Variants in ALDH1A2 observed in about 807,000 individuals in gnomAD.
ALDH1A2 encodes the protein aldehyde dehydrogenase 1 family member A2, also known as retinal dehydrogenase 2.
In ALDH1A2, 27 loss-of-function variants were observed where a neutral mutation model predicts 60.3. The ratio of observed to expected loss-of-function variants is 0.45; its 90% confidence interval spans 0.33 to 0.62. ALDH1A2 has a LOEUF of 0.62. Among genes scored for constraint, ALDH1A2 ranks in the 20% least tolerant of loss-of-function variants. The pLI is 0.02. For missense variants in ALDH1A2, 581 were observed against 643.8 expected, an observed-to-expected ratio of 0.90 and a Z score of 1.06; for synonymous variants, 289 against 232.4, an observed-to-expected ratio of 1.24 and a Z score of -2.21.
chr15:57,953,624 T>G lies in ALDH1A2; in HGVS notation c.*1573A>C, dbSNP rs1241431082. ...TCAGAAATACGGCATCTGTCAGGGC[T>G]CACGGCACTGGGCTGCTGAATGCAC... is the stretch of plus-strand genomic sequence containing the variant. On this transcript the variant is annotated 3_prime_UTR_variant, in exon 13 of 13. Transcript: ENST00000249750. The G allele has an allele frequency of 1.3e-5, 2 of 152,690 alleles. No individual in the cohort carries two copies. Among genetic ancestry groups the G allele is most frequent in the African/African-American group, 4.8e-5 (2 of 41,452 alleles). 9.5% of individuals were successfully genotyped at this position (152,690 alleles called of 1,614,324 possible). A position where few individuals can be genotyped will look rare whatever the true frequency, so the allele number is the denominator to read the frequency against.
intron 4 of ALDH1A2, 99 bp from the exon 5 acceptor site, chr15:57,995,238 AAACAG>A: frequency 1.2e-6 from 1 of 826,714 alleles, no homozygotes; most frequent in Non-Finnish European, 2.0e-6. Flanking sequence ...AAAAAAAAAC[AAACAG>A]AAATAAACTT....
intron 7 of ALDH1A2, among the ~76,000 whole-genome samples, chr15:57,985,820 T>C (rs560421969): frequency 6.6e-6 from 1 of 152,268 alleles, no homozygotes; most frequent in Non-Finnish European, 1.5e-5. Context: ...AAGTAAAACT[T>C]ATAAAAATCA....
At chr15:57,983,094 C>T (rs1363438280) in intron 7 of ALDH1A2, among the ~76,000 whole-genome samples, 1 of 152,166 alleles carries the variant, frequency 6.6e-6, no homozygotes, top group Non-Finnish European at 1.5e-5. Flanking sequence ...AAAAAATCTG[C>T]AGCTCTGGTG....
intron 12 of ALDH1A2, among the ~76,000 whole-genome samples, chr15:57,956,492 C>G (rs1260021506): frequency 1.3e-5 from 2 of 152,176 alleles, no homozygotes; most frequent in Non-Finnish European, 2.9e-5. Flanking sequence ...TTGCCAGCAC[C>G]TCCTCTGAGC....
chr15:57,964,122 C>T lies in ALDH1A2; in HGVS notation c.902-53G>A. 1.9e-6 allele frequency: 3 copies of T among 1,602,628 alleles called. No individual in the cohort carries two copies. In the South Asian group the frequency reaches 3.3e-5, roughly 18 times the overall value. On this transcript the variant is annotated intron_variant, in intron 8 of 12. Coordinates refer to ENST00000249750, the MANE Select transcript of ALDH1A2 (RefSeq NM_003888.4). ...CCGCTTTGCCTGGGGAGGGGCCTGT[C>T]TATGAAGCCGCCTCCCTCCCCTCTC...
intron 9 of ALDH1A2, among the ~76,000 whole-genome samples, chr15:57,962,757 C>T (rs1194157130): frequency 2.0e-5 from 3 of 152,086 alleles, no homozygotes; most frequent in African/African-American, 7.2e-5. Context: ...TTATCATTTG[C>T]TTATTATGGT....
chr15:58,008,027 T>C (rs1352333208), intron 4 of ALDH1A2, among the ~76,000 whole-genome samples: 2 of 152,040 alleles, frequency 1.3e-5, no homozygotes, highest in South Asian at 2.1e-4. Flanking sequence ...GAATTCTAAG[T>C]GGCCTCTAGG....
chr15:57,989,076 G>T (rs2140486298), intron 7 of ALDH1A2, among the ~76,000 whole-genome samples: 1 of 152,184 alleles, frequency 6.6e-6, no homozygotes, highest in East Asian at 1.9e-4. Flanking sequence ...TTGAACCCGG[G>T]AGGCAGCGGT....
chr15:57,962,764 T>TG (rs1893769395), intron 9 of ALDH1A2, among the ~76,000 whole-genome samples: 1 of 152,174 alleles, frequency 6.6e-6, no homozygotes. Context: ...TTGCTTATTA[T>TG]GGTAAATAAC....
At chr15:58,058,126 T>A (rs1160438558) in intron 1 of ALDH1A2, 2 of 1,459,072 alleles carry the variant, frequency 1.4e-6, no homozygotes, top group East Asian at 2.5e-5. Context: ...AATAAGACTT[T>A]CAGTTGTTCT....
At chr15:57,960,610 A>G (rs979405579) in intron 12 of ALDH1A2, among the ~76,000 whole-genome samples, 160 bp downstream of exon 12, 1 of 152,204 alleles carries the variant, frequency 6.6e-6, no homozygotes, top group East Asian at 1.9e-4. Context: ...ATTCATCTCT[A>G]TAACATGTAA....
At chr15:58,065,434 CCGGCCCCGTCCCGCAGCCCTCACCCG>C in intron 1 of ALDH1A2, 74 bp downstream of exon 1, 1 of 1,072,714 alleles carries the variant, frequency 9.3e-7, no homozygotes, top group East Asian at 2.4e-5. Context: ...CCCGACGACC[CCGGCCCCGTCCCGCAGCCCTCACCCG>C]CTGAAGAGAT....
chr15:57,995,016 T>A, intron 5 of ALDH1A2, 62 bp downstream of exon 5: 2 of 1,457,200 alleles, frequency 1.4e-6, no homozygotes, highest in Non-Finnish European at 9.6e-7. Context: ...CCATGTTTTA[T>A]GTGTCTTTAA....
chr15:58,060,899 A>G (rs1897017691), intron 1 of ALDH1A2, among the ~76,000 whole-genome samples: 1 of 152,214 alleles, frequency 6.6e-6, no homozygotes, highest in African/African-American at 2.4e-5. Flanking sequence ...ACTCTGGGTG[A>G]TGGGACTTGG....
intron 4 of ALDH1A2, among the ~76,000 whole-genome samples, chr15:58,000,651 T>C (rs1224019888): frequency 1.3e-5 from 2 of 151,990 alleles, no homozygotes; most frequent in African/African-American, 4.8e-5. Flanking sequence ...ACTTGCTTAC[T>C]GTATAGAATC....
chr15:58,028,574 GCTAAATGCCCTAA>G (rs1355023096), intron 1 of ALDH1A2, among the ~76,000 whole-genome samples: 1 of 152,108 alleles, frequency 6.6e-6, no homozygotes, highest in Non-Finnish European at 1.5e-5. Context: ...ATGTAAATGG[GCTAAATGCCCTAA>G]TTAAAAGACA....
At chr15:57,964,091 T>A (rs751372190) in intron 8 of ALDH1A2, 22 bp from the exon 9 acceptor site, 2 of 1,613,604 alleles carry the variant, frequency 1.2e-6, no homozygotes, top group East Asian at 2.2e-5. Flanking sequence ...AACAGCCATG[T>A]TCTCACCGCT....
At chr15:57,978,556 A>AT (rs1243734843) in intron 7 of ALDH1A2, among the ~76,000 whole-genome samples, 14 of 150,566 alleles carry the variant, frequency 9.3e-5, no homozygotes, top group South Asian at 8.5e-4. Flanking sequence ...GGTGGATAAG[A>AT]TTTTTTTTTT....
At chr15:57,980,619 C>T (rs192846442) in intron 7 of ALDH1A2, 16 of 226,604 alleles carry the variant, frequency 7.1e-5, no homozygotes, top group East Asian at 5.1e-4. Flanking sequence ...CCATACTAGA[C>T]GCCTTTGTTG....
Sources: gnomAD v4.1 joint callset for allele counts (sites outside exome capture counted in the v4.1 genomes callset) on GRCh38, gnomAD v4.1.1 for gene constraint, MANE v1.5 for transcripts, NCBI Gene and HGNC (gene_info 2026-07-23, HGNC 2026-07-21) for gene names.